SYNJ1: variants seen among roughly 807,000 people sequenced by gnomAD.
SYNJ1 encodes the protein polyphosphatidylinositol phosphatase SYNJ1.
A neutral mutation model predicts 168.2 loss-of-function variants in SYNJ1; 78 were observed. The observed-to-expected ratio is 0.46, with a 90% CI of 0.39 to 0.56. SYNJ1 has a LOEUF of 0.56. SYNJ1 is among the 20% of genes least tolerant of loss of function. The pLI is 0.00. For missense variants in SYNJ1, 1,303 were observed against 1,597.6 expected (o/e 0.82, Z 3.14); for synonymous variants, 539 against 548.6 (o/e 0.98, Z 0.24).
Position 32,645,800 on chromosome 21 carries a change from CA to C in SYNJ1, c.3248-12del, listed in dbSNP as rs1383754729. 6.7e-7 allele frequency: 1 copy of C among 1,491,176 alleles called. No individual in the cohort carries two copies. Among genetic ancestry groups the C allele is most frequent in the East Asian group, 2.5e-5 (1 of 40,270 alleles). 92.4% of individuals were successfully genotyped at this position (1,491,176 alleles called of 1,614,324 possible). On this transcript the variant is annotated splice_polypyrimidine_tract_variant and intron_variant, in intron 24 of 32. Coordinates refer to ENST00000674351, the MANE Select transcript of SYNJ1 (RefSeq NM_203446.3). ...CGTCAATAGGAGAACCTAAAAAGCG[CA>C]CAGGAGGTAAGAAGATCAGCTTCTA...
chr21:32,655,150 A>G (rs1054713864), intron 21 of SYNJ1, among the ~76,000 whole-genome samples: 1 of 152,224 alleles, frequency 6.6e-6, no homozygotes, highest in African/African-American at 2.4e-5. Flanking sequence ...GTTGGGTTAT[A>G]AAGACAGGTC....
intron 10 of SYNJ1, 77 bp downstream of exon 10, chr21:32,683,961 T>A: frequency 1.6e-6 from 2 of 1,238,804 alleles, no homozygotes; most frequent in Non-Finnish European, 1.2e-6. Context: ...TGGAAGGTAA[T>A]AAGAAACATA....
intron 15 of SYNJ1, among the ~76,000 whole-genome samples, chr21:32,668,446 G>GT (rs1301438411): frequency 6.6e-6 from 1 of 152,140 alleles, no homozygotes; most frequent in Non-Finnish European, 1.5e-5. Context: ...CATGCACTTA[G>GT]TACTAGGAAC....
In SYNJ1 at chr21:32,673,327, A is replaced by C. The variant is rs2041276704; in HGVS notation, c.1726+13T>G. ...AGGATTTATTAACTAAATCCATATT[A>C]TAAAAAGCCAACCTTGAAACTCCTG... On this transcript the variant is annotated intron_variant, in intron 14 of 32. Coordinates refer to ENST00000674351, the MANE Select transcript of SYNJ1 (RefSeq NM_203446.3). The C allele has an allele frequency of 1.3e-6, 2 of 1,598,994 alleles. No homozygotes were observed. The highest frequency in any genetic ancestry group is 3.5e-5 in the Admixed American group (2 of 56,776).
At chr21:32,659,766 A>C (rs958936614) in intron 18 of SYNJ1, among the ~76,000 whole-genome samples, 1 of 152,202 alleles carries the variant, frequency 6.6e-6, no homozygotes, top group Non-Finnish European at 1.5e-5. Flanking sequence ...AGCTGAATAA[A>C]GCCCTTTCCT....
upstream of SYNJ1, chr21:32,728,100 A>C (rs1391704801): frequency 6.7e-7 from 1 of 1,498,086 alleles, no homozygotes; most frequent in African/African-American, 1.4e-5. Flanking sequence ...GGGCATCAGG[A>C]GGGAGACCAC....
chr21:32,662,095 C>A (rs943744110), intron 18 of SYNJ1, among the ~76,000 whole-genome samples: 1 of 152,104 alleles, frequency 6.6e-6, no homozygotes, highest in Non-Finnish European at 1.5e-5. Flanking sequence ...CCACCACAGC[C>A]GTGTGAAACC....
At chr21:32,675,128 C>G (rs2041353552) in intron 13 of SYNJ1, among the ~76,000 whole-genome samples, 1 of 152,176 alleles carries the variant, frequency 6.6e-6, no homozygotes, top group African/African-American at 2.4e-5. Context: ...TATCATTGCT[C>G]TTAAAAATTG....
chr21:32,639,235 G>T, intron 30 of SYNJ1, 110 bp from the exon 31 acceptor site: 1 of 989,234 alleles, frequency 1.0e-6, no homozygotes, highest in Non-Finnish European at 1.5e-6. Context: ...CCCCCAATAA[G>T]TAGCCTCATT....
intron 6 of SYNJ1, 43 bp from the exon 7 acceptor site, chr21:32,688,410 T>C (rs746964652): frequency 6.5e-6 from 10 of 1,546,086 alleles, no homozygotes; most frequent in Non-Finnish European, 7.1e-6. Flanking sequence ...AAAACCAACA[T>C]ATAGACGAAA....
rs746611799 is a variant in SYNJ1, at chr21:32,634,904, C to T, written c.3916-20G>A. 4.2e-5 allele frequency: 68 copies of T among 1,613,420 alleles called. No homozygotes were observed. The highest frequency in any genetic ancestry group is 4.8e-5 in the Non-Finnish European group (57 of 1,179,776). On this transcript the variant is annotated intron_variant, in intron 31 of 32. Coordinates refer to ENST00000674351, the MANE Select transcript of SYNJ1 (RefSeq NM_203446.3). ...CTCCTGCTTTGAGAAAGGAAACAGA[C>T]ATCAAAGGAAAGAGTTAGGAGGACA...
At chr21:32,724,657 G>C (rs1177485760) in intron 2 of SYNJ1, among the ~76,000 whole-genome samples, 2 of 152,230 alleles carry the variant, frequency 1.3e-5, no homozygotes, top group African/African-American at 4.8e-5. Flanking sequence ...CATTTTTAAA[G>C]TGTGAAGATT....
At chr21:32,666,210 C>T (rs1298581752) in intron 16 of SYNJ1, 75 bp from the exon 17 acceptor site, 12 of 1,498,710 alleles carry the variant, frequency 8.0e-6, no homozygotes, top group South Asian at 1.3e-5. Flanking sequence ...GAGGAATATA[C>T]ATAATCATTT....
chr21:32,681,261 T>C (rs1467780135), intron 11 of SYNJ1, among the ~76,000 whole-genome samples: 2 of 152,214 alleles, frequency 1.3e-5, no homozygotes, highest in East Asian at 3.8e-4. Context: ...ACTAAATGAC[T>C]AGATACGTTA....
chr21:32,684,167 AAAAC>A, intron 9 of SYNJ1, 48 bp from the exon 10 acceptor site: 1 of 1,556,720 alleles, frequency 6.4e-7, no homozygotes. Flanking sequence ...AAATAAAGCT[AAAAC>A]AAACAGTGAA....
intron 3 of SYNJ1, among the ~76,000 whole-genome samples, chr21:32,701,089 A>G (rs149402694): frequency 1.3e-5 from 2 of 152,334 alleles, no homozygotes; most frequent in East Asian, 3.9e-4. Flanking sequence ...AACCTGAGAT[A>G]TCATCTCTTA....
intron 2 of SYNJ1, among the ~76,000 whole-genome samples, chr21:32,722,055 C>A (rs2043243528): frequency 6.6e-6 from 1 of 151,898 alleles, no homozygotes; most frequent in Middle Eastern, 3.4e-3. Flanking sequence ...TATGATGGCG[C>A]ATGCCTGTAA....
At chr21:32,725,658 G>A (rs2043418932) in intron 2 of SYNJ1, among the ~76,000 whole-genome samples, 1 of 151,980 alleles carries the variant, frequency 6.6e-6, no homozygotes, top group Non-Finnish European at 1.5e-5. Context: ...GAGGTCTTAT[G>A]CTCTTCATTT....
chr21:32,714,728 T>C (rs538987229), intron 2 of SYNJ1, among the ~76,000 whole-genome samples: 8 of 152,342 alleles, frequency 5.3e-5, no homozygotes, highest in African/African-American at 1.7e-4. Flanking sequence ...CTCTTCCTCA[T>C]TTGGTAGCCA....
Sources: gnomAD v4.1 joint callset for allele counts (sites outside exome capture counted in the v4.1 genomes callset) on GRCh38, gnomAD v4.1.1 for gene constraint, MANE v1.5 for transcripts, NCBI Gene and HGNC (gene_info 2026-07-23, HGNC 2026-07-21) for gene names.